The following DGKB variants were observed in gnomAD, a reference collection of about 807,000 sequenced individuals.
The protein encoded by DGKB is 90 kDa diacylglycerol kinase.
In DGKB, 67 loss-of-function variants were observed where a neutral mutation model predicts 114.3. The observed-to-expected ratio is 0.59, with a 90% CI of 0.48 to 0.72. DGKB has a LOEUF of 0.72. Among genes scored for constraint, DGKB ranks in the 30% least tolerant of loss-of-function variants. The pLI, the probability that DGKB is intolerant of heterozygous loss-of-function variation, is 0.00. For synonymous variants in DGKB, 398 were observed against 323.1 expected, an observed-to-expected ratio of 1.23 and a Z score of -2.49; for missense variants, 907 against 975.2, an observed-to-expected ratio of 0.93 and a Z score of 0.93.
chr7:14,704,354 A>G (rs1356167877), intron 6 of DGKB, among the ~76,000 whole-genome samples: 1 of 149,986 alleles, frequency 6.7e-6, no homozygotes, highest in African/African-American at 2.5e-5. Context: ...AGGCTGAGGC[A>G]GGAGAATGGC....
intron 1 of DGKB, among the ~76,000 whole-genome samples, chr7:14,884,548 A>G (rs527821010): frequency 2.8e-4 from 43 of 152,046 alleles, no homozygotes; most frequent in African/African-American, 9.6e-4. Context: ...CTTCCCTGAC[A>G]GCCTGACTTT....
intron 23 of DGKB, among the ~76,000 whole-genome samples, chr7:14,262,573 T>C (rs567446544): frequency 1.4e-4 from 22 of 152,274 alleles, no homozygotes; most frequent in Admixed American, 9.2e-4. Flanking sequence ...GTATGTGATA[T>C]TTTGTTACAG....
At chr7:14,151,227 C>T (rs755168785) in intron 25 of DGKB, among the ~76,000 whole-genome samples, 38 of 151,900 alleles carry the variant, frequency 2.5e-4, no homozygotes, top group Admixed American at 5.3e-4. Context: ...ATGCTTTACA[C>T]GGTATAATAG....
At chr7:14,717,707 C>T (rs73680200) in intron 6 of DGKB, among the ~76,000 whole-genome samples, 1 of 151,950 alleles carries the variant, frequency 6.6e-6, no homozygotes, top group Non-Finnish European at 1.5e-5. Flanking sequence ...GATTTGTTAT[C>T]TTCACTATCA....
At chr7:14,443,593 C>T (rs73679767) in intron 21 of DGKB, among the ~76,000 whole-genome samples, 12,993 of 152,040 alleles carry the variant, frequency 0.085, 671 homozygotes, top group East Asian at 0.22. Context: ...CTTCTATTGT[C>T]GATGTTGAAT....
intron 13 of DGKB, among the ~76,000 whole-genome samples, chr7:14,665,354 G>T (rs889661768): frequency 6.6e-6 from 1 of 151,754 alleles, no homozygotes; most frequent in Non-Finnish European, 1.5e-5. Flanking sequence ...CAGATAGAGG[G>T]CAACAACGAC....
At chr7:14,924,257 C>A (rs1267124935) in intron 1 of DGKB, among the ~76,000 whole-genome samples, 3 of 152,118 alleles carry the variant, frequency 2.0e-5, no homozygotes, top group Non-Finnish European at 1.5e-5. Flanking sequence ...AGCTTTTATT[C>A]CACTGTCCTA....
intron 21 of DGKB, among the ~76,000 whole-genome samples, chr7:14,476,825 G>C (rs1041952987): frequency 6.7e-6 from 1 of 149,300 alleles, no homozygotes; most frequent in Non-Finnish European, 1.5e-5. Context: ...TGCAATCTCA[G>C]CTCACTGCAA....
chr7:14,775,713 G>GT (rs956216828), intron 2 of DGKB, among the ~76,000 whole-genome samples: 1 of 151,994 alleles, frequency 6.6e-6, no homozygotes, highest in Non-Finnish European at 1.5e-5. Flanking sequence ...TGCCATGATT[G>GT]TAAGTTTCCT....
chr7:14,586,095 G>C (rs1800716146), intron 17 of DGKB, among the ~76,000 whole-genome samples: 1 of 152,090 alleles, frequency 6.6e-6, no homozygotes, highest in South Asian at 2.1e-4. Context: ...AAATTATTAA[G>C]CTGAGTGAGT....
intron 11 of DGKB, 38 bp downstream of exon 11, chr7:14,682,715 T>C (rs369956903): frequency 6.6e-5 from 106 of 1,606,824 alleles, no homozygotes; most frequent in Middle Eastern, 1.6e-4. Flanking sequence ...CACTACATAA[T>C]GGCCACCTTC....
intron 5 of DGKB, among the ~76,000 whole-genome samples, chr7:14,721,184 G>A (rs572180451): frequency 6.6e-6 from 1 of 152,264 alleles, no homozygotes; most frequent in East Asian, 1.9e-4. Context: ...TTGAAAGAAA[G>A]CCAAATATAT....
At chr7:14,757,491 C>T (rs77271579) in intron 3 of DGKB, among the ~76,000 whole-genome samples, 164 bp downstream of exon 3, 3 of 138,506 alleles carry the variant, frequency 2.2e-5, no homozygotes, top group South Asian at 4.6e-4. Flanking sequence ...TATATATATA[C>T]ACACACATAC....
chr7:14,816,709 A>G (rs1844207894), intron 2 of DGKB: 1 of 152,202 alleles, frequency 6.6e-6, no homozygotes, highest in Non-Finnish European at 1.5e-5. Flanking sequence ...AAAGGATTTA[A>G]CATGATTTTT....
chr7:14,533,910 A>G (rs1792002168), intron 20 of DGKB, among the ~76,000 whole-genome samples: 1 of 152,038 alleles, frequency 6.6e-6, no homozygotes, highest in African/African-American at 2.4e-5. Flanking sequence ...AAGAAGTACT[A>G]AGGAAGTTCT....
At chr7:14,282,410 C>G (rs1264311602) in intron 23 of DGKB, among the ~76,000 whole-genome samples, 9 of 142,544 alleles carry the variant, frequency 6.3e-5, no homozygotes, top group African/African-American at 2.4e-4. Flanking sequence ...CAGATGGATT[C>G]ACAGCCGAAT....
chr7:14,619,385 T>C (rs1807184200), intron 15 of DGKB, among the ~76,000 whole-genome samples: 2 of 151,686 alleles, frequency 1.3e-5, no homozygotes, highest in Non-Finnish European at 3.0e-5. Flanking sequence ...CAGATTATTT[T>C]AAAATAGAAA....
At chr7:14,455,677 T>C (rs1832180689) in intron 21 of DGKB, among the ~76,000 whole-genome samples, 1 of 151,996 alleles carries the variant, frequency 6.6e-6, no homozygotes, top group Admixed American at 6.6e-5. Flanking sequence ...CTATTAAAAG[T>C]AATTGAGTCG....
chr7:14,841,279 C>T lies in DGKB; in HGVS notation c.-16G>A. The stretch of plus-strand genomic sequence containing the variant: ...GGTTTGTCATGGTGGTGGTGAGAAG[C>T]TCTGTCACATACCAGGTAAAAGATT... On this transcript the variant is annotated 5_prime_UTR_variant, in exon 2 of 26. Coordinates refer to ENST00000402815, the MANE Select transcript of DGKB (RefSeq NM_001350709.2). 5 of 1,612,318 alleles carry T rather than the reference C, an allele frequency of 3.1e-6. No homozygotes were observed. The highest frequency in any genetic ancestry group is 4.2e-6 in the Non-Finnish European group (5 of 1,178,958).
Sources: allele counts gnomAD v4.1 joint callset (sites outside exome capture counted in the v4.1 genomes callset), GRCh38; gene constraint gnomAD v4.1.1; transcripts MANE v1.5; gene names NCBI Gene and HGNC (gene_info 2026-07-23, HGNC 2026-07-21).